VAMP7: variants seen among roughly 807,000 people sequenced by gnomAD.
VAMP7 encodes vesicle associated membrane protein 7, also known as vesicle-associated membrane protein 7.
Under a neutral mutation model 29.6 loss-of-function variants are expected in VAMP7, and 14 were observed. The observed-to-expected ratio is 0.47, with a 90% CI of 0.31 to 0.74. The LOEUF is 0.74. Ranked by LOEUF, VAMP7 falls within the 30% of genes least tolerant of loss-of-function variation. The pLI is 0.05. For missense variants in VAMP7, 223 were observed against 262.4 expected (o/e 0.85, Z 1.04); for synonymous variants, 95 against 88.1 (o/e 1.08, Z -0.44).
intron 5 of VAMP7, 100 bp from the exon 6 acceptor site, chrX:155,919,713 C>T (rs2066367553): frequency 9.6e-7 from 1 of 1,042,622 alleles, no homozygotes; most frequent in African/African-American, 1.6e-5. Flanking sequence ...CCTTTGGCCC[C>T]AGGACAGTGT....
chrX:155,933,139 A>C (rs760045952), intron 6 of VAMP7, among the ~76,000 whole-genome samples: 39 of 152,266 alleles, frequency 2.6e-4, no homozygotes, highest in African/African-American at 9.4e-4. Context: ...GTCGGTGTTC[A>C]TTAGGGATAT....
intron 1 of VAMP7, among the ~76,000 whole-genome samples, chrX:155,883,164 C>T (rs1375590350): frequency 2.0e-5 from 3 of 152,176 alleles, no homozygotes; most frequent in African/African-American, 4.8e-5. Flanking sequence ...CCAGTATATA[C>T]GTGTTGAACT....
intron 6 of VAMP7, among the ~76,000 whole-genome samples, chrX:155,928,795 T>C (rs1022316322): frequency 3.9e-5 from 6 of 152,190 alleles, no homozygotes; most frequent in Non-Finnish European, 8.8e-5. Context: ...TTTAAACAGA[T>C]GGTTTGTCAG....
chrX:155,884,386 C>CA (rs2065842141), intron 1 of VAMP7, among the ~76,000 whole-genome samples: 1 of 152,194 alleles, frequency 6.6e-6, no homozygotes, highest in African/African-American at 2.4e-5. Flanking sequence ...CTCAGCCTCC[C>CA]AAAGTGCTGG....
At chrX:155,882,063 C>T (rs1474929527) in intron 1 of VAMP7, among the ~76,000 whole-genome samples, 1 of 152,200 alleles carries the variant, frequency 6.6e-6, no homozygotes, top group Non-Finnish European at 1.5e-5. Context: ...TCACAACCAA[C>T]CAACTGTCTT....
rs535145085 is a variant in VAMP7 at position 155,900,805 on chromosome X, A to G, written c.433+218A>G. On this transcript the variant is annotated intron_variant, in intron 5 of 7. Coordinates refer to ENST00000286448, the MANE Select transcript of VAMP7 (RefSeq NM_005638.6). ...CATTCTAAATTTACTAGTTTGCTTA[A>G]CAAGACTAATTTCTAAGAACCTTAT... Among the ~76,000 whole-genome samples the G allele has an allele frequency of 2.2e-4, 34 of 152,226 alleles. No individual in the cohort carries two copies. In the South Asian group the frequency reaches 4.8e-3, roughly 21 times the overall value.
chrX:155,912,893 G>A (rs1473437617), intron 5 of VAMP7, among the ~76,000 whole-genome samples: 2 of 152,102 alleles, frequency 1.3e-5, no homozygotes, highest in African/African-American at 4.8e-5. Flanking sequence ...GGATTGCTGG[G>A]TCAAATGGTA....
chrX:155,883,532 AATAG>A (rs1392108177), intron 1 of VAMP7, among the ~76,000 whole-genome samples: 5 of 152,286 alleles, frequency 3.3e-5, no homozygotes, highest in African/African-American at 1.2e-4. Context: ...GAATTAATGT[AATAG>A]ATCCTACTGC....
At position 155,942,096 on chromosome X, in the gene VAMP7, C is replaced by T. The variant is rs904905362; in HGVS notation, c.*145C>T. ...TCACTTTTTAAAATCTTGTTCCATGCCTCCAGGTTTATCTTTGTCTTATCT... is the reference window on the plus strand; with the variant it reads ...TCACTTTTTAAAATCTTGTTCCATGTCTCCAGGTTTATCTTTGTCTTATCT... On this transcript the variant is annotated 3_prime_UTR_variant, in exon 8 of 8. Coordinates refer to ENST00000286448, the MANE Select transcript of VAMP7 (RefSeq NM_005638.6). 1.7e-5 allele frequency: 27 copies of T among 1,556,642 alleles called. No homozygotes were observed. Among genetic ancestry groups the T allele is most frequent in the Non-Finnish European group, 2.3e-5 (27 of 1,149,440 alleles).
intron 3 of VAMP7, among the ~76,000 whole-genome samples, chrX:155,897,007 A>G (rs1259389513): frequency 4.6e-5 from 7 of 151,954 alleles, no homozygotes; most frequent in Non-Finnish European, 1.0e-4. Context: ...AGTAATATAT[A>G]TGCTTCTTTA....
intron 6 of VAMP7, among the ~76,000 whole-genome samples, chrX:155,924,597 T>TAA (rs370271999): frequency 6.6e-6 from 1 of 151,350 alleles, no homozygotes; most frequent in African/African-American, 2.4e-5. Context: ...GTTTATTGCT[T>TAA]AAAAAAAAAT....
At chrX:155,923,068 A>G (rs1382085103) in intron 6 of VAMP7, among the ~76,000 whole-genome samples, 1 of 151,890 alleles carries the variant, frequency 6.6e-6, no homozygotes, top group Non-Finnish European at 1.5e-5. Context: ...ATAGATAAGA[A>G]CCTTATAATA....
intron 6 of VAMP7, among the ~76,000 whole-genome samples, chrX:155,937,219 G>T: frequency 6.6e-6 from 1 of 152,066 alleles, no homozygotes; most frequent in Non-Finnish European, 1.5e-5. Context: ...TAAAAAAAAT[G>T]TTCAGTTCAT....
intron 5 of VAMP7, among the ~76,000 whole-genome samples, chrX:155,901,517 C>G (rs2060488876): frequency 6.6e-6 from 1 of 151,834 alleles, no homozygotes; most frequent in Non-Finnish European, 1.5e-5. Context: ...ATAGAAACAG[C>G]AAATTTAATC....
chrX:155,913,744 G>T (rs1173248709), intron 5 of VAMP7, among the ~76,000 whole-genome samples: 1 of 152,036 alleles, frequency 6.6e-6, no homozygotes, highest in Non-Finnish European at 1.5e-5. Flanking sequence ...ATCTGTTTTG[G>T]TACCAATACC....
intron 6 of VAMP7, among the ~76,000 whole-genome samples, chrX:155,930,939 CTA>C (rs2066543188): frequency 6.6e-6 from 1 of 152,048 alleles, no homozygotes; most frequent in South Asian, 2.1e-4. Context: ...CAGTTCCCAC[CTA>C]TGAGTGAGAA....
At chrX:155,903,102 G>C (rs2066091875) in intron 5 of VAMP7, among the ~76,000 whole-genome samples, 1 of 152,006 alleles carries the variant, frequency 6.6e-6, no homozygotes, top group Admixed American at 6.6e-5. Flanking sequence ...TCTTGGGAGG[G>C]TGTATGTGTC....
intron 5 of VAMP7, among the ~76,000 whole-genome samples, chrX:155,902,740 G>A (rs2066084026): frequency 6.6e-6 from 1 of 151,290 alleles, no homozygotes. Context: ...TGGTGGATAA[G>A]CTTTTTGATG....
intron 5 of VAMP7, among the ~76,000 whole-genome samples, chrX:155,908,626 A>C (rs1243029199): frequency 8.3e-5 from 12 of 144,416 alleles, no homozygotes. Context: ...TTTGGTTTTG[A>C]TACCAGGGTA....
Sources: gnomAD v4.1 joint callset for allele counts (sites outside exome capture counted in the v4.1 genomes callset) on GRCh38, gnomAD v4.1.1 for gene constraint, MANE v1.5 for transcripts, NCBI Gene and HGNC (gene_info 2026-07-23, HGNC 2026-07-21) for gene names.